NDRG1: variants seen among roughly 807,000 people sequenced by gnomAD.
NDRG1 encodes protein NDRG1.
Under a neutral mutation model 56.9 loss-of-function variants are expected in NDRG1, and 32 were observed. The ratio of observed to expected loss-of-function variants is 0.56; its 90% confidence interval spans 0.42 to 0.76. The LOEUF is 0.76. Ranked by LOEUF, NDRG1 falls within the 30% of genes least tolerant of loss-of-function variation. The pLI is 0.00. For synonymous variants in NDRG1, 211 were observed against 204.1 expected (o/e 1.03, Z -0.29); for missense variants, 507 against 545.7 (o/e 0.93, Z 0.71).
chr8:133,245,840 T>A (rs1373546679), intron 13 of NDRG1, among the ~76,000 whole-genome samples: 1 of 152,146 alleles, frequency 6.6e-6, no homozygotes, highest in East Asian at 1.9e-4. Context: ...TGAAAGAAAA[T>A]CTATGTAAAG....
Position 133,262,321 on chromosome 8 carries a change from G to GTT in NDRG1, c.206-155_206-154insAA, listed in dbSNP as rs1856701891. 1.1e-5 allele frequency: 11 copies of GTT among 969,680 alleles called. No individual in the cohort carries two copies. In the Admixed American group the frequency reaches 2.6e-4, roughly 23 times the overall value. 60.1% of individuals were successfully genotyped at this position (969,680 alleles called of 1,614,324 possible). A position where few individuals can be genotyped will look rare whatever the true frequency, so the allele number is the denominator to read the frequency against. On this transcript the variant is annotated intron_variant, in intron 4 of 15. Coordinates refer to ENST00000323851, the MANE Select transcript of NDRG1 (RefSeq NM_006096.4). ...CAGATGTTGGCGTTTTTTGTTTTTTGGTTTTGTCCCCATGCCCACTTTCCT... is the reference window on the plus strand; with the variant it reads ...CAGATGTTGGCGTTTTTTGTTTTTTGTTGTTTTGTCCCCATGCCCACTTTCCT...
At chr8:133,248,180 G>A (rs1442556213) in intron 11 of NDRG1, among the ~76,000 whole-genome samples, 1 of 152,214 alleles carries the variant, frequency 6.6e-6, no homozygotes, top group Non-Finnish European at 1.5e-5. Context: ...TTCTCCTCAA[G>A]GATGGTTAAG....
chr8:133,246,654 T>G lies in NDRG1; in HGVS notation c.817A>C (p.Asn273His). 1 of 1,614,200 alleles carries G rather than the reference T, an allele frequency of 6.2e-7. No individual in the cohort carries two copies. The highest frequency in any genetic ancestry group is 8.5e-7 in the Non-Finnish European group (1 of 1,180,036). The change falls in exon 13 of 16, where the codon AAC (asparagine) becomes CAC (histidine). Residue 273 changes from asparagine (N) to histidine (H), a missense_variant. Transcript: ENST00000323851. ...GTCTTTGTTGGGTCCAATTTTGAGTTGCACTCCACCTGCACAAGAGGGAGG... is the reference window on the plus strand; with the variant it reads ...GTCTTTGTTGGGTCCAATTTTGAGTGGCACTCCACCTGCACAAGAGGGAGG... ...SPAVDAVVEC[N>H]SKLDPTKTTL...
Position 133,239,129 on chromosome 8 carries a change from C to A in NDRG1, c.944-10G>T, listed in dbSNP as rs1483500032. ...ATGCTAGCCGAGGGCACTAGGGGAACAAGAGACAGCCGGTTAGAGGGCAGG... is the reference window on the plus strand; with the variant it reads ...ATGCTAGCCGAGGGCACTAGGGGAAAAAGAGACAGCCGGTTAGAGGGCAGG... On this transcript the variant is annotated splice_polypyrimidine_tract_variant and intron_variant, in intron 15 of 15. Coordinates refer to ENST00000323851, the MANE Select transcript of NDRG1 (RefSeq NM_006096.4). 6.4e-7 allele frequency: 1 copy of A among 1,552,678 alleles called. No individual in the cohort carries two copies. The highest frequency in any genetic ancestry group is 2.0e-5 in the Admixed American group (1 of 51,030).
intron 3 of NDRG1, among the ~76,000 whole-genome samples, chr8:133,269,210 C>T (rs1198521754): frequency 8.5e-5 from 13 of 152,170 alleles, no homozygotes; most frequent in Non-Finnish European, 2.9e-5. Flanking sequence ...GAGGGACCCC[C>T]CAACTTCTGG....
chr8:133,295,393 C>T (rs181136830), intron 1 of NDRG1, among the ~76,000 whole-genome samples: 1 of 152,336 alleles, frequency 6.6e-6, no homozygotes, highest in Admixed American at 6.5e-5. Context: ...CAGGGGAACA[C>T]CCAGTTTTCC....
chr8:133,267,401 G>A (rs538034681), intron 3 of NDRG1, among the ~76,000 whole-genome samples: 5 of 152,220 alleles, frequency 3.3e-5, no homozygotes, highest in African/African-American at 4.8e-5. Flanking sequence ...CGCCCAGCAC[G>A]GGGTCATCCT....
intron 9 of NDRG1, among the ~76,000 whole-genome samples, chr8:133,251,732 T>C (rs1856058596): frequency 6.6e-6 from 1 of 152,156 alleles, no homozygotes; most frequent in Non-Finnish European, 1.5e-5. Flanking sequence ...GATATGTCCA[T>C]GTCAAATCTC....
chr8:133,292,479 G>A (rs963466898), intron 1 of NDRG1, among the ~76,000 whole-genome samples: 4 of 152,170 alleles, frequency 2.6e-5, no homozygotes, highest in African/African-American at 9.7e-5. Context: ...ACAGGTCCCA[G>A]GAAGGACCCA....
intron 3 of NDRG1, among the ~76,000 whole-genome samples, chr8:133,273,240 A>C (rs1857285043): frequency 7.7e-6 from 1 of 130,116 alleles, no homozygotes; most frequent in Non-Finnish European, 1.7e-5. Context: ...GGTGGAGGGA[A>C]TTAGAAGCAG....
intron 3 of NDRG1, among the ~76,000 whole-genome samples, chr8:133,276,455 C>G (rs532973603): frequency 1.3e-5 from 2 of 152,320 alleles, no homozygotes; most frequent in African/African-American, 4.8e-5. Flanking sequence ...CCACCCAAAT[C>G]TCATCTTGAA....
chr8:133,251,965 G>A (rs1483067975), intron 9 of NDRG1, among the ~76,000 whole-genome samples: 1 of 152,220 alleles, frequency 6.6e-6, no homozygotes, highest in African/African-American at 2.4e-5. Context: ...GCCAAGGAAT[G>A]CCGACAGCGA....
At chr8:133,250,330 G>T in intron 10 of NDRG1, 110 bp downstream of exon 10, 1 of 1,025,340 alleles carries the variant, frequency 9.8e-7, no homozygotes, top group Non-Finnish European at 1.6e-6. Flanking sequence ...CAAACTCAGA[G>T]CCTGCCTCTT....
At chr8:133,276,818 C>A (rs933620408) in intron 3 of NDRG1, among the ~76,000 whole-genome samples, 2 of 152,312 alleles carry the variant, frequency 1.3e-5, no homozygotes, top group South Asian at 4.1e-4. Context: ...ACTGATACCT[C>A]TAGCAATTCC....
chr8:133,251,263 G>A (rs1856022564), intron 9 of NDRG1, among the ~76,000 whole-genome samples: 1 of 152,222 alleles, frequency 6.6e-6, no homozygotes, highest in Non-Finnish European at 1.5e-5. Context: ...GACACTGTAG[G>A]TTTCACACAA....
intron 13 of NDRG1, among the ~76,000 whole-genome samples, chr8:133,244,823 G>A (rs782270440): frequency 3.9e-5 from 6 of 152,348 alleles, no homozygotes; most frequent in African/African-American, 1.4e-4. Flanking sequence ...AAAAGGAAGT[G>A]GTTGAATTTG....
At chr8:133,268,921 C>T (rs1049070016) in intron 3 of NDRG1, among the ~76,000 whole-genome samples, 4 of 152,222 alleles carry the variant, frequency 2.6e-5, no homozygotes, top group South Asian at 4.1e-4. Context: ...CACACGTGCA[C>T]GCACGCGGTT....
intron 3 of NDRG1, among the ~76,000 whole-genome samples, chr8:133,279,734 C>T (rs565085172): frequency 1.2e-4 from 18 of 152,348 alleles, no homozygotes; most frequent in Non-Finnish European, 2.1e-4. Flanking sequence ...GAGAGCCCAG[C>T]CCGTTCTCCT....
intron 6 of NDRG1, chr8:133,258,942 C>G: frequency 1.7e-6 from 1 of 605,394 alleles, no homozygotes; most frequent in African/African-American, 1.8e-5. Context: ...TGCCATCATG[C>G]AATATAACAT....
Sources: allele counts gnomAD v4.1 joint callset (sites outside exome capture counted in the v4.1 genomes callset), GRCh38; gene constraint gnomAD v4.1.1; transcripts MANE v1.5; gene names NCBI Gene and HGNC (gene_info 2026-07-23, HGNC 2026-07-21).